PTPRO: variants seen among roughly 807,000 people sequenced by gnomAD.
PTPRO encodes receptor-type tyrosine-protein phosphatase O.
PTPRO carries 62 observed loss-of-function variants against 145.2 expected under a neutral mutation model. That is an observed-to-expected ratio of 0.43 (90% confidence interval 0.35 to 0.53). PTPRO has a LOEUF of 0.53. Among genes scored for constraint, PTPRO ranks in the 20% least tolerant of loss-of-function variants. PTPRO has a pLI of 0.01. For synonymous variants in PTPRO, 565 were observed against 514.7 expected, an observed-to-expected ratio of 1.10 and a Z score of -1.32; for missense variants, 1,345 against 1,482.7, an observed-to-expected ratio of 0.91 and a Z score of 1.53.
chr12:15,577,495 A>G (rs969339211), intron 19 of PTPRO, among the ~76,000 whole-genome samples: 10 of 152,212 alleles, frequency 6.6e-5, no homozygotes, highest in African/African-American at 2.4e-4. Context: ...AGTGGCTCCA[A>G]TTCTCTTCAA....
intron 6 of PTPRO, among the ~76,000 whole-genome samples, chr12:15,506,470 A>C (rs1326592722): frequency 6.6e-6 from 1 of 152,208 alleles, no homozygotes; most frequent in Non-Finnish European, 1.5e-5. Context: ...TGAGTAATTT[A>C]CAAAGGAAAG....
intron 1 of PTPRO, among the ~76,000 whole-genome samples, chr12:15,450,563 C>A (rs1439252409): frequency 6.6e-6 from 1 of 152,142 alleles, no homozygotes; most frequent in East Asian, 1.9e-4. Context: ...TGTCTGGGCT[C>A]AGGATTTCAA....
intron 17 of PTPRO, among the ~76,000 whole-genome samples, chr12:15,564,457 T>G (rs1352252200): frequency 6.6e-6 from 1 of 152,180 alleles, no homozygotes; most frequent in African/African-American, 2.4e-5. Context: ...GGTGTTTCAT[T>G]AACTATGCTC....
At chr12:15,543,623 C>T (rs1403213029) in intron 12 of PTPRO, among the ~76,000 whole-genome samples, 2 of 152,148 alleles carry the variant, frequency 1.3e-5, no homozygotes, top group Admixed American at 6.5e-5. Context: ...TAGGTGGCTA[C>T]TTCAAATGAA....
At chr12:15,581,920 A>G (rs2135649191) in intron 23 of PTPRO, 119 bp downstream of exon 23, 1 of 1,346,328 alleles carries the variant, frequency 7.4e-7, no homozygotes, top group Non-Finnish European at 1.0e-6. Flanking sequence ...ACACAAAAAT[A>G]TCGAGTGTGG....
chr12:15,532,640 C>T (rs992919109), intron 12 of PTPRO, among the ~76,000 whole-genome samples: 2 of 152,194 alleles, frequency 1.3e-5, no homozygotes, highest in Non-Finnish European at 2.9e-5. Context: ...TGAAGGCAAT[C>T]TGCTCTTCCT....
chr12:15,339,757 T>G (rs1427052066), intron 1 of PTPRO, among the ~76,000 whole-genome samples: 5 of 152,170 alleles, frequency 3.3e-5, no homozygotes, highest in Non-Finnish European at 4.4e-5. Flanking sequence ...TGACTAAAAA[T>G]TTGCCATCGT....
intron 24 of PTPRO, among the ~76,000 whole-genome samples, chr12:15,588,475 G>A (rs571332478): frequency 5.8e-4 from 89 of 152,326 alleles, no homozygotes; most frequent in African/African-American, 1.7e-3. Flanking sequence ...GTTGGTCAGC[G>A]CATGTCAGTC....
At chr12:15,531,327 A>G (rs1162801912) in intron 12 of PTPRO, among the ~76,000 whole-genome samples, 1 of 152,192 alleles carries the variant, frequency 6.6e-6, no homozygotes, top group Non-Finnish European at 1.5e-5. Context: ...AAAAAGCTGA[A>G]TAGGAAGGAA....
intron 1 of PTPRO, among the ~76,000 whole-genome samples, chr12:15,467,616 AT>A (rs1941446702): frequency 6.6e-6 from 1 of 152,158 alleles, no homozygotes; most frequent in South Asian, 2.1e-4. Flanking sequence ...CCAGTTAGCC[AT>A]ACTCTAACCA....
intron 25 of PTPRO, among the ~76,000 whole-genome samples, chr12:15,590,392 G>T (rs1031567941): frequency 8.5e-5 from 13 of 152,122 alleles, no homozygotes; most frequent in African/African-American, 1.9e-4. Context: ...TCTTAGCTTC[G>T]GTCTTACAAT....
At chr12:15,591,388 C>A (rs1170974947) in intron 25 of PTPRO, among the ~76,000 whole-genome samples, 1 of 151,438 alleles carries the variant, frequency 6.6e-6, no homozygotes, top group Non-Finnish European at 1.5e-5. Context: ...ACAAAAAAAA[C>A]TTAGTAGATT....
intron 17 of PTPRO, among the ~76,000 whole-genome samples, chr12:15,562,741 C>T (rs949913291): frequency 2.8e-5 from 4 of 144,392 alleles, no homozygotes; most frequent in Admixed American, 6.9e-5. Context: ...AGTGTTAAAT[C>T]TTTTTTTTTT....
intron 1 of PTPRO, among the ~76,000 whole-genome samples, chr12:15,442,263 GA>G (rs1197044600): frequency 8.6e-5 from 13 of 151,944 alleles, no homozygotes. Context: ...GATTATCTCA[GA>G]CACAGGGAAA....
At chr12:15,390,843 G>A (rs1482413420) in intron 1 of PTPRO, among the ~76,000 whole-genome samples, 1 of 152,176 alleles carries the variant, frequency 6.6e-6, no homozygotes, top group Non-Finnish European at 1.5e-5. Context: ...GCCATAGACT[G>A]AGTGATTTAA....
intron 1 of PTPRO, among the ~76,000 whole-genome samples, chr12:15,398,228 G>C (rs562024772): frequency 6.6e-6 from 1 of 152,102 alleles, no homozygotes; most frequent in Non-Finnish European, 1.5e-5. Context: ...CGGTAAAAGC[G>C]GTTGTTCACA....
chr12:15,481,587 G>A (rs189839055), intron 1 of PTPRO, among the ~76,000 whole-genome samples: 153 of 152,260 alleles, frequency 1.0e-3, no homozygotes, highest in African/African-American at 3.5e-3. Context: ...CATATGCCAG[G>A]TACTGATCCT....
chr12:15,353,807 T>G (rs1937891490), intron 1 of PTPRO, among the ~76,000 whole-genome samples: 2 of 152,208 alleles, frequency 1.3e-5, no homozygotes, highest in African/African-American at 4.8e-5. Context: ...TTGTACCATT[T>G]CCACCTCTTG....
intron 1 of PTPRO, among the ~76,000 whole-genome samples, chr12:15,347,616 T>A (rs1867270239): frequency 6.6e-6 from 1 of 152,170 alleles, no homozygotes; most frequent in Admixed American, 6.5e-5. Flanking sequence ...ATACAGACAC[T>A]CAGATAGTTT....
Sources: allele counts gnomAD v4.1 joint callset (sites outside exome capture counted in the v4.1 genomes callset), GRCh38; gene constraint gnomAD v4.1.1; transcripts MANE v1.5; gene names NCBI Gene and HGNC (gene_info 2026-07-23, HGNC 2026-07-21).